Variants in THADA observed in about 807,000 individuals in gnomAD.
THADA encodes tRNA (32-2'-O)-methyltransferase regulator THADA.
Under a neutral mutation model 219.8 loss-of-function variants are expected in THADA, and 213 were observed. The ratio of observed to expected loss-of-function variants is 0.97; its 90% CI spans 0.87 to 1.09. The LOEUF (loss-of-function observed/expected upper bound fraction) is 1.09. Among genes scored for constraint, THADA ranks in the 50% least tolerant of loss-of-function variants. THADA has a pLI of 0.00. For missense variants in THADA, 2,956 were observed against 2,311.3 expected, an observed-to-expected ratio of 1.28 and a Z score of -5.72; for synonymous variants, 1,018 against 828.9, an observed-to-expected ratio of 1.23 and a Z score of -3.92.
At chr2:43,308,636 A>G (rs548439170) in intron 31 of THADA, among the ~76,000 whole-genome samples, 1 of 152,128 alleles carries the variant, frequency 6.6e-6, no homozygotes, top group African/African-American at 2.4e-5. Context: ...CAGGAGTTTC[A>G]GGCTGCATTG....
intron 28 of THADA, chr2:43,408,460 A>G (rs537218268): frequency 6.6e-6 from 1 of 152,330 alleles, no homozygotes; most frequent in East Asian, 1.9e-4. Flanking sequence ...AGACACATAC[A>G]TGTCAGCACA....
intron 31 of THADA, among the ~76,000 whole-genome samples, chr2:43,303,821 C>CTGT (rs1676535078): frequency 1.3e-5 from 2 of 152,136 alleles, no homozygotes; most frequent in Non-Finnish European, 2.9e-5. Context: ...GGTTGCTGTA[C>CTGT]TGTTACCTCA....
At chr2:43,480,383 C>G (rs1686046366) in intron 26 of THADA, among the ~76,000 whole-genome samples, 1 of 152,214 alleles carries the variant, frequency 6.6e-6, no homozygotes, top group African/African-American at 2.4e-5. Context: ...CCATATTCTT[C>G]ATCAGACTTG....
intron 19 of THADA, among the ~76,000 whole-genome samples, chr2:43,550,543 C>A (rs967282211): frequency 6.6e-6 from 1 of 152,088 alleles, no homozygotes; most frequent in Non-Finnish European, 1.5e-5. Flanking sequence ...GCAGATAACA[C>A]AGGGAAGAAG....
At chr2:43,526,275 T>C (rs1355187138) in intron 22 of THADA, among the ~76,000 whole-genome samples, 3 of 152,200 alleles carry the variant, frequency 2.0e-5, no homozygotes, top group East Asian at 1.9e-4. Context: ...ATGCCTCCTA[T>C]GATCTATTTC....
intron 31 of THADA, among the ~76,000 whole-genome samples, chr2:43,297,439 G>A (rs1572963379): frequency 1.0e-5 from 1 of 98,986 alleles, no homozygotes; most frequent in African/African-American, 7.5e-5. Flanking sequence ...CCCCGTCCGG[G>A]AGGGAGGTGG....
chr2:43,326,436 TG>T (rs1249130284), intron 30 of THADA, among the ~76,000 whole-genome samples: 2 of 152,080 alleles, frequency 1.3e-5, no homozygotes, highest in African/African-American at 4.8e-5. Context: ...GACAATGGTA[TG>T]GGGGGCGGGA....
chr2:43,391,376 C>A (rs947003866), intron 29 of THADA, among the ~76,000 whole-genome samples: 4 of 152,146 alleles, frequency 2.6e-5, no homozygotes, highest in Non-Finnish European at 5.9e-5. Context: ...CCACACAGTG[C>A]AGTACAGTCA....
intron 29 of THADA, among the ~76,000 whole-genome samples, chr2:43,351,211 T>C (rs557243728): frequency 6.6e-6 from 1 of 152,296 alleles, no homozygotes; most frequent in Admixed American, 6.5e-5. Context: ...CACTCTCAAG[T>C]TCAAAATCCA....
At chr2:43,344,305 T>G in intron 29 of THADA, 68 bp from the exon 30 acceptor site, 2 of 1,115,978 alleles carry the variant, frequency 1.8e-6, no homozygotes, top group Non-Finnish European at 2.6e-6. Flanking sequence ...AGTTCCTCCC[T>G]TTTAAGTTTC....
At chr2:43,556,252 C>A (rs752872573) in intron 17 of THADA, 93 bp downstream of exon 17, 68 of 1,526,216 alleles carry the variant, frequency 4.5e-5, no homozygotes, top group Non-Finnish European at 5.6e-5. Context: ...AAATAAAAAA[C>A]CACAAAATAT....
intron 4 of THADA, among the ~76,000 whole-genome samples, chr2:43,590,206 T>C (rs1701409422): frequency 6.6e-6 from 1 of 152,196 alleles, no homozygotes; most frequent in African/African-American, 2.4e-5. Context: ...ATTCCTGTGT[T>C]ATCTGTGTAA....
chr2:43,252,724 G>A (rs954285756), intron 36 of THADA, among the ~76,000 whole-genome samples: 1 of 152,076 alleles, frequency 6.6e-6, no homozygotes, highest in African/African-American at 2.4e-5. Flanking sequence ...CAGTGCTCTT[G>A]TCAATCTGAT....
chr2:43,489,463 C>T (rs756717402), intron 25 of THADA, among the ~76,000 whole-genome samples: 2 of 152,020 alleles, frequency 1.3e-5, no homozygotes, highest in Non-Finnish European at 1.5e-5. Flanking sequence ...GTTATCTAAT[C>T]CAAGGTACAA....
At chr2:43,308,691 G>C (rs1327434255) in intron 31 of THADA, among the ~76,000 whole-genome samples, 2 of 134,280 alleles carry the variant, frequency 1.5e-5, no homozygotes, top group African/African-American at 5.6e-5. Flanking sequence ...GACAGTGCAA[G>C]ACCCTGTCTC....
rs1449168088 is a variant in THADA, at chr2:43,230,940, G to T, written c.*8C>A. The T allele has an allele frequency of 1.3e-6, 2 of 1,599,020 alleles. No individual in the cohort carries two copies. Among genetic ancestry groups the T allele is most frequent in the Non-Finnish European group, 8.6e-7 (1 of 1,168,998 alleles). On this transcript the variant is annotated 3_prime_UTR_variant, in exon 38 of 38. Coordinates refer to ENST00000405975, the MANE Select transcript of THADA (RefSeq NM_022065.5). ...CACATACCCCCATCCCAATCCCCCA[G>T]ATTTTCTTCAACATGCCGCTTCTGT...
In THADA at chr2:43,508,695, T is replaced by C. The variant is rs572395673; in HGVS notation, c.3460A>G (p.Lys1154Glu). Residue 1154 changes from lysine to glutamate, a missense_variant, in exon 23 of 38, where the codon AAA (lysine) becomes GAA (glutamate). Transcript: ENST00000405975. ...EEIKCSDPSS[K>E]LCATRRSAGI... is the part of the protein sequence containing the mutation. ...GCACTGCGCCTTGTAGCACAGAGTT[T>C]AGATGAAGGATCACTGCATTTAATT... The C allele has an allele frequency of 6.2e-7, 1 of 1,613,764 alleles. No homozygotes were observed. The highest frequency in any genetic ancestry group is 8.5e-7 in the Non-Finnish European group (1 of 1,179,728).
intron 34 of THADA, among the ~76,000 whole-genome samples, chr2:43,291,473 A>AAAAAAAAAAAAAAAAAC (rs1558527804): frequency 1.4e-5 from 2 of 146,854 alleles, no homozygotes; most frequent in African/African-American, 5.1e-5. Flanking sequence ...AAAAAAAAAA[A>AAAAAAAAAAAAAAAAAC]AAAAAAAAAT....
At chr2:43,579,156 TATAG>T (rs1322378191) in intron 8 of THADA, among the ~76,000 whole-genome samples, 11 of 152,142 alleles carry the variant, frequency 7.2e-5, no homozygotes, top group African/African-American at 2.7e-4. Flanking sequence ...AAGCCCAGCA[TATAG>T]ATACTCAATA....
Sources: allele counts gnomAD v4.1 joint callset (sites outside exome capture counted in the v4.1 genomes callset), GRCh38; gene constraint gnomAD v4.1.1; transcripts MANE v1.5; gene names NCBI Gene and HGNC (gene_info 2026-07-23, HGNC 2026-07-21).